Variants in PPFIA2 observed in about 807,000 individuals in gnomAD.
PPFIA2 encodes the protein liprin-alpha-2.
PPFIA2 carries 46 observed loss-of-function variants against 175.5 expected under a neutral mutation model. That is an observed-to-expected ratio of 0.26 (90% CI 0.21 to 0.34). PPFIA2 has a LOEUF of 0.34. Ranked by LOEUF, PPFIA2 falls within the 10% of genes least tolerant of loss-of-function variation. PPFIA2 has a pLI of 1.00. For missense variants in PPFIA2, 1,179 were observed against 1,506.1 expected (o/e 0.78, Z 3.60); for synonymous variants, 568 against 511.4 (o/e 1.11, Z -1.49).
rs543685936 is a variant in PPFIA2 at position 81,475,789 on chromosome 12, T to C, written c.304-17923A>G. Among the ~76,000 whole-genome samples the C allele has an allele frequency of 3.0e-4, 45 of 152,290 alleles. 1 individual carries two copies. The South Asian group carries it at 8.7e-3, about 29-fold the overall frequency. On this transcript the variant is annotated intron_variant, in intron 4 of 32. Transcript: ENST00000549396. ...GTGTAGTGGCGCGATCTCGGCTCAC[T>C]GCAAGCTCCGCCTCCTGAGTTCATG...
chr12:81,339,284 T>C lies in PPFIA2; in HGVS notation c.2444A>G (p.Asn815Ser), dbSNP rs765929694. 3.7e-6 allele frequency: 6 copies of C among 1,610,368 alleles called. No homozygotes were observed. Among genetic ancestry groups the C allele is most frequent in the Non-Finnish European group, 2.5e-6 (3 of 1,178,112 alleles). The stretch of plus-strand genomic sequence containing the variant: ...TTTGTGAAGAGAGTCTTGGCTGCTG[T>C]TGGCACTACCAAGCCCGAGGCTTTC... ...EPESLGLGSANSSQDSLHKAP... is the reference protein window; with the variant it reads ...EPESLGLGSASSSQDSLHKAP... The change falls in exon 21 of 33, where the codon AAC (asparagine) becomes AGC (serine). Residue 815 changes from asparagine to serine, a missense_variant. Around this residue, in one of 10 missense-constraint regions of PPFIA2, gnomAD observed 223 missense variants for 241.6 expected, o/e 0.92. Transcript: ENST00000549396.
chr12:81,362,369 G>A (rs1432593), intron 15 of PPFIA2, among the ~76,000 whole-genome samples: 34,614 of 150,754 alleles, frequency 0.23, 5,300 homozygotes, highest in East Asian at 0.46. Flanking sequence ...AAGGGCTGAC[G>A]CCTCTTCTTG....
At chr12:81,449,746 G>T (rs1033343562) in intron 5 of PPFIA2, among the ~76,000 whole-genome samples, 1 of 151,424 alleles carries the variant, frequency 6.6e-6, no homozygotes, top group Non-Finnish European at 1.5e-5. Context: ...CCATTAACTC[G>T]TCATTTACAT....
intron 4 of PPFIA2, among the ~76,000 whole-genome samples, chr12:81,653,622 G>T (rs1259780665): frequency 6.6e-6 from 1 of 151,854 alleles, no homozygotes; most frequent in Non-Finnish European, 1.5e-5. Flanking sequence ...CTAAATCCAG[G>T]TTGATTTCAA....
intron 3 of PPFIA2, among the ~76,000 whole-genome samples, chr12:81,706,162 C>T (rs1042994066): frequency 2.0e-5 from 3 of 152,142 alleles, no homozygotes; most frequent in Admixed American, 2.0e-4. Flanking sequence ...ATGGGACCAA[C>T]TTAGAAGATT....
chr12:81,316,260 A>G (rs1477696230), intron 22 of PPFIA2, among the ~76,000 whole-genome samples: 1 of 151,594 alleles, frequency 6.6e-6, no homozygotes, highest in Non-Finnish European at 1.5e-5. Context: ...CATTTGAAAT[A>G]ACTATGGGAA....
intron 3 of PPFIA2, among the ~76,000 whole-genome samples, chr12:81,707,267 A>G (rs1326302689): frequency 6.6e-6 from 1 of 151,720 alleles, no homozygotes; most frequent in African/African-American, 2.4e-5. Flanking sequence ...TTCACAACCT[A>G]CTCATCTGAC....
intron 16 of PPFIA2, 27 bp from the exon 17 acceptor site, chr12:81,353,366 A>C: frequency 6.9e-7 from 1 of 1,447,416 alleles, no homozygotes; most frequent in Non-Finnish European, 9.7e-7. Flanking sequence ...AAAATGCAGA[A>C]TATTTATCAT....
At chr12:81,562,395 A>G (rs565829172) in intron 4 of PPFIA2, among the ~76,000 whole-genome samples, 21 of 152,302 alleles carry the variant, frequency 1.4e-4, no homozygotes, top group African/African-American at 4.8e-4. Flanking sequence ...ATGGTACCCT[A>G]TTATATTTAC....
In PPFIA2 at chr12:81,383,187, G is replaced by A. The variant is rs150007395; in HGVS notation, c.984+836C>T. ...CGAGAGAATGGGAAGAAAAGAATTG[G>A]ACACATAGAATAGGGCCAACTTGAT... On this transcript the variant is annotated intron_variant, in intron 9 of 32. Transcript: ENST00000549396. 1.5e-4 allele frequency among the ~76,000 whole-genome samples: 23 copies of A among 152,124 alleles called. No individual in the cohort carries two copies. In the East Asian group the frequency reaches 4.1e-3, roughly 27 times the overall value.
intron 4 of PPFIA2, among the ~76,000 whole-genome samples, chr12:81,665,331 C>T (rs189353283): frequency 1.1e-4 from 17 of 151,958 alleles, no homozygotes; most frequent in Non-Finnish European, 2.5e-4. Flanking sequence ...TCACATTAAT[C>T]ATCAGAATGA....
chr12:81,732,034 AAC>A (rs1490921652), intron 3 of PPFIA2, among the ~76,000 whole-genome samples: 1 of 151,586 alleles, frequency 6.6e-6, no homozygotes, highest in Non-Finnish European at 1.5e-5. Context: ...TGATATGAGA[AAC>A]ACATGTGAAT....
rs573580062 is a variant in PPFIA2, at chr12:81,263,298, T to C, written c.3648A>G (p.Ser1216=). The change falls in exon 31 of 33, where the codon TCA becomes TCG. Residue 1216 remains serine (S), a synonymous_variant. Transcript: ENST00000549396. ...VHGISMMPGS[S]ETLPAGFRLT... Reference sequence around the variant, plus strand: ...ACCTAAATCCAGCTGGTAATGTTTCTGAGGACCCAGGCATCATGCTGATTC... The same window carrying C: ...ACCTAAATCCAGCTGGTAATGTTTCCGAGGACCCAGGCATCATGCTGATTC... The C allele has an allele frequency of 5.0e-6, 8 of 1,612,670 alleles. No individual in the cohort carries two copies. In the Admixed American group the frequency reaches 8.3e-5, roughly 17 times the overall value.
intron 4 of PPFIA2, chr12:81,505,810 A>G (rs1235516458): frequency 6.6e-6 from 1 of 152,336 alleles, no homozygotes; most frequent in Non-Finnish European, 1.5e-5. Context: ...TTGCAGACAA[A>G]GGAGGAGGCC....
intron 4 of PPFIA2, among the ~76,000 whole-genome samples, chr12:81,475,078 AT>A (rs1212443455): frequency 6.6e-6 from 1 of 152,204 alleles, no homozygotes; most frequent in Non-Finnish European, 1.5e-5. Context: ...GTAATCTTGG[AT>A]AGTCAATCTT....
intron 4 of PPFIA2, among the ~76,000 whole-genome samples, chr12:81,480,291 T>C (rs1365507484): frequency 5.9e-5 from 9 of 152,092 alleles, no homozygotes; most frequent in Admixed American, 5.9e-4. Flanking sequence ...AAACTGGTCG[T>C]TTTAGTTAGC....
At chr12:81,311,529 C>T (rs2050798830) in intron 22 of PPFIA2, among the ~76,000 whole-genome samples, 2 of 151,736 alleles carry the variant, frequency 1.3e-5, no homozygotes, top group South Asian at 2.1e-4. Context: ...GTCAGGAGAT[C>T]GAGACCATCC....
intron 4 of PPFIA2, among the ~76,000 whole-genome samples, chr12:81,543,940 A>G (rs546832394): frequency 9.8e-5 from 15 of 152,300 alleles, no homozygotes; most frequent in African/African-American, 2.6e-4. Context: ...CAAAACTGTC[A>G]AGGTCATCAA....
chr12:81,367,071 A>G (rs1376838459), intron 14 of PPFIA2, 37 bp downstream of exon 14: 87 of 1,450,402 alleles, frequency 6.0e-5, no homozygotes, highest in Non-Finnish European at 7.9e-5. Context: ...GAAAATAAAA[A>G]TAGAAAATGG....
Sources: allele counts gnomAD v4.1 joint callset (sites outside exome capture counted in the v4.1 genomes callset), GRCh38; gene constraint gnomAD v4.1.1; regional missense constraint gnomAD v4.1.1; transcripts MANE v1.5; gene names NCBI Gene and HGNC (gene_info 2026-07-23, HGNC 2026-07-21).